Variants in GPC6 observed in about 807,000 individuals in gnomAD.
GPC6 encodes the protein glypican-6.
In GPC6, 14 loss-of-function variants were observed where a neutral mutation model predicts 55.2. The observed-to-expected ratio is 0.25, with a 90% CI of 0.17 to 0.40. GPC6 has a LOEUF of 0.40. Ranked by LOEUF, GPC6 falls within the 10% of genes least tolerant of loss-of-function variation. The pLI, the probability that GPC6 is intolerant of heterozygous loss-of-function variation, is 1.00. For synonymous variants in GPC6, 278 were observed against 259.6 expected (o/e 1.07, Z -0.68); for missense variants, 641 against 708.5 (o/e 0.90, Z 1.08).
At chr13:94,241,845 G>A (rs1356141369) in intron 4 of GPC6, among the ~76,000 whole-genome samples, 2 of 152,046 alleles carry the variant, frequency 1.3e-5, no homozygotes, top group African/African-American at 4.8e-5. Flanking sequence ...TCTAGACAAC[G>A]AGATGTAATT....
At chr13:94,111,213 T>C (rs1462276649) in intron 4 of GPC6, among the ~76,000 whole-genome samples, 2 of 152,054 alleles carry the variant, frequency 1.3e-5, no homozygotes, top group Admixed American at 6.6e-5. Context: ...GTGTTCTTTA[T>C]AGAATATGAT....
At chr13:93,959,561 C>T (rs1184361645) in intron 3 of GPC6, among the ~76,000 whole-genome samples, 1 of 152,190 alleles carries the variant, frequency 6.6e-6, no homozygotes, top group Non-Finnish European at 1.5e-5. Context: ...AACTACTGAG[C>T]TAATTTATTA....
chr13:93,359,733 A>G (rs1219635488), intron 1 of GPC6, among the ~76,000 whole-genome samples: 2 of 152,228 alleles, frequency 1.3e-5, no homozygotes, highest in Non-Finnish European at 2.9e-5. Context: ...AGTCTGAGAC[A>G]GAGGTTATTG....
At chr13:94,330,314 G>A (rs534718668) in intron 6 of GPC6, among the ~76,000 whole-genome samples, 3 of 152,306 alleles carry the variant, frequency 2.0e-5, no homozygotes, top group South Asian at 4.1e-4. Flanking sequence ...GACCTTGGGC[G>A]AGTCAGTTAA....
Position 93,739,762 on chromosome 13 carries a change from G to A in GPC6, c.320-90392G>A, listed in dbSNP as rs142816930. Reference sequence around the variant, plus strand: ...CATATCGAGTGTCCATTGTATGTCAGGCCCTTTTCTAGGTTCTAACACTAG... The same window carrying A: ...CATATCGAGTGTCCATTGTATGTCAAGCCCTTTTCTAGGTTCTAACACTAG... On this transcript the variant is annotated intron_variant, in intron 2 of 8. Coordinates refer to ENST00000377047, the MANE Select transcript of GPC6 (RefSeq NM_005708.5). 5.3e-5 allele frequency among the ~76,000 whole-genome samples: 8 copies of A among 152,228 alleles called. No individual in the cohort carries two copies. In the East Asian group the frequency reaches 1.4e-3, roughly 26 times the overall value.
intron 2 of GPC6, among the ~76,000 whole-genome samples, chr13:93,577,324 G>A (rs1876713745): frequency 6.6e-6 from 1 of 152,102 alleles, no homozygotes; most frequent in South Asian, 2.1e-4. Context: ...ACATTCTTAT[G>A]TAACTGCAGA....
Position 94,102,998 on chromosome 13 carries a change from T to G in GPC6, c.877+75104T>G, listed in dbSNP as rs1164506033. Among the ~76,000 whole-genome samples the G allele has an allele frequency of 2.6e-5, 4 of 152,198 alleles. No individual in the cohort carries two copies. The East Asian group carries it at 7.7e-4, about 29-fold the overall frequency. ...GTGTGCTGCACCCATTAACTCGTCA[T>G]TTACATTAGGTATTTCTCCTAATGC... On this transcript the variant is annotated intron_variant, in intron 4 of 8. Transcript: ENST00000377047.
intron 2 of GPC6, among the ~76,000 whole-genome samples, chr13:93,734,716 T>C (rs1883938372): frequency 6.6e-6 from 1 of 152,136 alleles, no homozygotes; most frequent in Non-Finnish European, 1.5e-5. Flanking sequence ...CACATGAAAA[T>C]TGGCTCTGAT....
At chr13:93,251,197 C>A (rs1396959053) in intron 1 of GPC6, among the ~76,000 whole-genome samples, 2 of 152,120 alleles carry the variant, frequency 1.3e-5, no homozygotes, top group African/African-American at 4.8e-5. Context: ...GGTGACTTGG[C>A]AAACCATTAC....
chr13:94,256,638 C>T (rs1285274204), intron 4 of GPC6, among the ~76,000 whole-genome samples: 1 of 152,160 alleles, frequency 6.6e-6, no homozygotes, highest in Non-Finnish European at 1.5e-5. Flanking sequence ...CTCATATCAG[C>T]CGCACTGCAA....
At chr13:93,302,968 T>C (rs1024161458) in intron 1 of GPC6, among the ~76,000 whole-genome samples, 10 of 152,080 alleles carry the variant, frequency 6.6e-5, no homozygotes, top group African/African-American at 2.4e-4. Context: ...AATGCCTATA[T>C]AAAAGAAAAA....
intron 3 of GPC6, among the ~76,000 whole-genome samples, chr13:93,844,575 T>G (rs1888099006): frequency 2.0e-5 from 3 of 151,222 alleles, no homozygotes; most frequent in East Asian, 3.9e-4. Flanking sequence ...TTGCGAAAAT[T>G]TTCTCCCATG....
At chr13:93,745,418 T>A (rs933236012) in intron 2 of GPC6, among the ~76,000 whole-genome samples, 1 of 152,140 alleles carries the variant, frequency 6.6e-6, no homozygotes, top group African/African-American at 2.4e-5. Flanking sequence ...TCTGTGACCC[T>A]CTCTGATACT....
intron 4 of GPC6, among the ~76,000 whole-genome samples, chr13:94,178,011 T>C (rs1888845719): frequency 1.3e-5 from 2 of 151,804 alleles, no homozygotes; most frequent in Admixed American, 1.3e-4. Context: ...TCATTCTTTT[T>C]CAGTGGCCTT....
At chr13:94,304,033 A>G (rs1875810861) in intron 5 of GPC6, among the ~76,000 whole-genome samples, 1 of 152,204 alleles carries the variant, frequency 6.6e-6, no homozygotes, top group South Asian at 2.1e-4. Flanking sequence ...AAAGCAATCC[A>G]GAATAGCACA....
chr13:93,322,382 G>A (rs956895125), intron 1 of GPC6, among the ~76,000 whole-genome samples: 7 of 149,238 alleles, frequency 4.7e-5, no homozygotes, highest in Non-Finnish European at 8.9e-5. Context: ...GAGAACGTGT[G>A]GTATTCAGAA....
chr13:93,931,022 G>T (rs936408966), intron 3 of GPC6, among the ~76,000 whole-genome samples: 1 of 151,950 alleles, frequency 6.6e-6, no homozygotes, highest in African/African-American at 2.4e-5. Context: ...TCTCGCAAGC[G>T]CTCACTCACT....
chr13:93,978,087 A>G (rs1272137949), intron 3 of GPC6, among the ~76,000 whole-genome samples: 1 of 152,190 alleles, frequency 6.6e-6, no homozygotes, highest in African/African-American at 2.4e-5. Context: ...GTCGACAAGA[A>G]GGTCAGATGG....
At chr13:93,264,701 C>T (rs1255095503) in intron 1 of GPC6, among the ~76,000 whole-genome samples, 1 of 152,160 alleles carries the variant, frequency 6.6e-6, no homozygotes, top group Non-Finnish European at 1.5e-5. Context: ...CCTGGCTATC[C>T]TGTATACTTT....
Sources: allele counts gnomAD v4.1 joint callset (sites outside exome capture counted in the v4.1 genomes callset), GRCh38; gene constraint gnomAD v4.1.1; transcripts MANE v1.5; gene names NCBI Gene and HGNC (gene_info 2026-07-23, HGNC 2026-07-21).